The following ZFHX3 variants were observed in gnomAD, a reference collection of about 807,000 sequenced individuals.
ZFHX3 encodes zinc finger homeobox 3, also known as zinc finger homeobox protein 3.
ZFHX3 carries 42 observed loss-of-function variants against 279.1 expected under a neutral mutation model. The ratio of observed to expected loss-of-function variants is 0.15; its 90% CI spans 0.12 to 0.19. The LOEUF (loss-of-function observed/expected upper bound fraction) is 0.19, where lower values mean the gene tolerates loss of function less well. Ranked by LOEUF, ZFHX3 falls within the 10% of genes least tolerant of loss-of-function variation. ZFHX3 has a pLI of 1.00. For synonymous variants in ZFHX3, 2,293 were observed against 1,957.8 expected, an observed-to-expected ratio of 1.17 and a Z score of -4.52; for missense variants, 4,981 against 4,754.0, an observed-to-expected ratio of 1.05 and a Z score of -1.40.
intron 4 of ZFHX3, among the ~76,000 whole-genome samples, chr16:73,314,223 T>A (rs954547975): frequency 6.6e-6 from 1 of 152,158 alleles, no homozygotes; most frequent in Non-Finnish European, 1.5e-5. Flanking sequence ...GAGGAAATTT[T>A]TTAGCAGGTT....
chr16:73,305,453 A>G (rs560463124), intron 4 of ZFHX3, among the ~76,000 whole-genome samples: 1 of 152,110 alleles, frequency 6.6e-6, no homozygotes, highest in Non-Finnish European at 1.5e-5. Flanking sequence ...GATGACTTCC[A>G]AAGTGAGATG....
intron 2 of ZFHX3, among the ~76,000 whole-genome samples, chr16:73,522,811 G>T (rs1354469481): frequency 6.6e-6 from 1 of 152,150 alleles, no homozygotes; most frequent in Non-Finnish European, 1.5e-5. Context: ...CCACCTGGCT[G>T]GGGAGGCCTC....
chr16:73,003,293 T>A lies in ZFHX3; in HGVS notation c.-49-43099A>T, dbSNP rs553738499. On this transcript the variant is annotated intron_variant, in intron 1 of 9. Coordinates refer to ENST00000268489, the MANE Select transcript of ZFHX3 (RefSeq NM_006885.4). ...GAGTTGTCACCAGTCCTGATCCGGG[T>A]ATTAGACGTAAGATAATTAAAGGGA... Among the ~76,000 whole-genome samples the A allele has an allele frequency of 6.0e-5, 9 of 149,482 alleles. No homozygotes were observed. In the South Asian group the frequency reaches 1.9e-3, roughly 32 times the overall value.
At chr16:73,051,840 T>C (rs1427058716), upstream of ZFHX3, among the ~76,000 whole-genome samples, 1 of 144,080 alleles carries the variant, frequency 6.9e-6, no homozygotes, top group Non-Finnish European at 1.6e-5. Context: ...AACAAAAATA[T>C]TATTTCTGAA....
At chr16:72,935,921 G>A (rs1332659471) in intron 3 of ZFHX3, among the ~76,000 whole-genome samples, 5 of 152,132 alleles carry the variant, frequency 3.3e-5, no homozygotes, top group Non-Finnish European at 5.9e-5. Context: ...TCATAAGAAT[G>A]GGAAAGGAAC....
chr16:73,095,981 TA>T (rs1966157391), intron 7 of ZFHX3, among the ~76,000 whole-genome samples: 1 of 152,086 alleles, frequency 6.6e-6, no homozygotes, highest in Non-Finnish European at 1.5e-5. Flanking sequence ...GAAATCTGAA[TA>T]AAAGCACAGG....
In ZFHX3 at chr16:72,788,068, A is replaced by G. The variant is rs781216575; in HGVS notation, c.10208T>C (p.Val3403Ala). ...GTCTGGGGAAGGAGCCCCGGGGGGGACTGGGGTTTGGCTTGCTTTGGGCTG... is the reference window on the plus strand; with the variant it reads ...GTCTGGGGAAGGAGCCCCGGGGGGGGCTGGGGTTTGGCTTGCTTTGGGCTG... ...QQQPKASQTP[V>A]PPGAPSPDKD... The change falls in exon 10 of 10, where the codon GTC becomes GCC. Residue 3403 changes from valine to alanine, a missense_variant. By Grantham distance (64) the Val-to-Ala change is moderately conservative. Coordinates refer to ENST00000268489, the MANE Select transcript of ZFHX3 (RefSeq NM_006885.4). 3.7e-6 allele frequency: 6 copies of G among 1,609,010 alleles called. No individual in the cohort carries two copies. Among genetic ancestry groups the G allele is most frequent in the South Asian group, 1.1e-5 (1 of 90,926 alleles).
At chr16:73,805,420 C>G (rs1029150826) in intron 1 of ZFHX3, among the ~76,000 whole-genome samples, 1 of 152,186 alleles carries the variant, frequency 6.6e-6, no homozygotes, top group Admixed American at 6.5e-5. Context: ...CCGCCTGCCT[C>G]TGCCTCCCAA....
chr16:73,761,406 T>C (rs978787155), intron 1 of ZFHX3, among the ~76,000 whole-genome samples: 6 of 152,170 alleles, frequency 3.9e-5, no homozygotes, highest in Non-Finnish European at 7.3e-5. Flanking sequence ...CATACCATAC[T>C]GCCCAAAGTA....
At chr16:73,134,239 T>C (rs184709889) in intron 6 of ZFHX3, among the ~76,000 whole-genome samples, 9 of 151,276 alleles carry the variant, frequency 5.9e-5, no homozygotes, top group Admixed American at 2.6e-4. Context: ...ATGACCTCAA[T>C]GGCCCCTAGC....
chr16:73,479,291 CT>C (rs755111957), intron 2 of ZFHX3, among the ~76,000 whole-genome samples: 168 of 152,276 alleles, frequency 1.1e-3, no homozygotes, highest in Non-Finnish European at 1.8e-3. Flanking sequence ...AATTCTTGAC[CT>C]AAACAATTAC....
chr16:73,595,568 T>C (rs569874223), intron 2 of ZFHX3, among the ~76,000 whole-genome samples: 29 of 152,334 alleles, frequency 1.9e-4, no homozygotes, highest in Non-Finnish European at 3.2e-4. Flanking sequence ...TTTGTCCATT[T>C]TGACTCTATT....
At chr16:72,874,495 C>A (rs1209810687) in intron 4 of ZFHX3, among the ~76,000 whole-genome samples, 1 of 152,078 alleles carries the variant, frequency 6.6e-6, no homozygotes, top group Non-Finnish European at 1.5e-5. Flanking sequence ...AGCCACCGCG[C>A]CTGGCCTGGA....
intron 3 of ZFHX3, among the ~76,000 whole-genome samples, chr16:72,909,021 G>A (rs78925069): frequency 0.018 from 2,791 of 152,260 alleles, 43 homozygotes; most frequent in East Asian, 0.044. Flanking sequence ...AGCGAGAAGC[G>A]GATGCAGGTT....
chr16:73,395,800 C>G (rs972854866), intron 3 of ZFHX3, among the ~76,000 whole-genome samples: 4 of 151,998 alleles, frequency 2.6e-5, no homozygotes, highest in Non-Finnish European at 4.4e-5. Context: ...TGTAAAACTC[C>G]CCAGGGATGG....
intron 1 of ZFHX3, among the ~76,000 whole-genome samples, chr16:73,772,595 C>T (rs998755058): frequency 5.3e-5 from 8 of 152,184 alleles, no homozygotes; most frequent in African/African-American, 1.7e-4. Context: ...CAGATATGTC[C>T]GTTCTGCAGT....
intron 1 of ZFHX3, among the ~76,000 whole-genome samples, chr16:72,966,725 T>A (rs1372050539): frequency 6.6e-6 from 1 of 152,188 alleles, no homozygotes; most frequent in East Asian, 1.9e-4. Flanking sequence ...CTCGGCTATA[T>A]GAAACCCTGC....
intron 3 of ZFHX3, among the ~76,000 whole-genome samples, chr16:73,342,986 G>T (rs1389488780): frequency 6.6e-6 from 1 of 152,174 alleles, no homozygotes; most frequent in Non-Finnish European, 1.5e-5. Context: ...TTGAAGTCTA[G>T]TTAGCAGGTA....
intron 1 of ZFHX3, among the ~76,000 whole-genome samples, chr16:73,817,871 T>C (rs1960620265): frequency 6.6e-6 from 1 of 152,204 alleles, no homozygotes; most frequent in South Asian, 2.1e-4. Context: ...CCAGCACCTA[T>C]TTATGAGTTG....
Sources: gnomAD v4.1 joint callset for allele counts (sites outside exome capture counted in the v4.1 genomes callset) on GRCh38, gnomAD v4.1.1 for gene constraint, MANE v1.5 for transcripts, NCBI Gene and HGNC (gene_info 2026-07-23, HGNC 2026-07-21) for gene names.